HDAC9: variants seen among roughly 807,000 people sequenced by gnomAD.
The protein encoded by HDAC9 is MEF-2 interacting transcription repressor (MITR) protein.
Under a neutral mutation model 139.4 loss-of-function variants are expected in HDAC9, and 41 were observed. The observed-to-expected ratio is 0.29, with a 90% confidence interval of 0.23 to 0.38. The LOEUF (loss-of-function observed/expected upper bound fraction) is 0.38, where lower values mean the gene tolerates loss of function less well. HDAC9 is among the 10% of genes least tolerant of loss of function. The pLI is 1.00. For synonymous variants in HDAC9, 517 were observed against 476.2 expected, an observed-to-expected ratio of 1.09 and a Z score of -1.12; for missense variants, 1,147 against 1,297.0, an observed-to-expected ratio of 0.88 and a Z score of 1.78.
At chr7:18,352,211 T>C (rs937874076) in intron 1 of HDAC9, among the ~76,000 whole-genome samples, 1 of 152,208 alleles carries the variant, frequency 6.6e-6, no homozygotes, top group Non-Finnish European at 1.5e-5. Context: ...AATCTGATTT[T>C]TCTGAAAAAT....
chr7:18,111,296 T>C (rs1783606115), intron 1 of HDAC9, among the ~76,000 whole-genome samples: 1 of 152,196 alleles, frequency 6.6e-6, no homozygotes, highest in Admixed American at 6.5e-5. Context: ...GATTTGAGGA[T>C]GATTGGTGAG....
At chr7:18,705,102 G>A (rs956654506) in intron 12 of HDAC9, among the ~76,000 whole-genome samples, 5 of 152,076 alleles carry the variant, frequency 3.3e-5, no homozygotes, top group African/African-American at 4.8e-5. Flanking sequence ...ATTAAATGGG[G>A]ATTGACTGAT....
chr7:18,107,196 T>C (rs1168605560), intron 1 of HDAC9, among the ~76,000 whole-genome samples: 2 of 152,300 alleles, frequency 1.3e-5, no homozygotes, highest in East Asian at 1.9e-4. Flanking sequence ...TCCCAAATAC[T>C]CTGGGCATCC....
chr7:18,345,452 TCTC>T, intron 1 of HDAC9, among the ~76,000 whole-genome samples: 1 of 152,020 alleles, frequency 6.6e-6, no homozygotes, highest in South Asian at 2.1e-4. Flanking sequence ...GAATCACAAT[TCTC>T]CTAGCCAACC....
At chr7:18,817,333 C>T (rs1221003570) in intron 17 of HDAC9, among the ~76,000 whole-genome samples, 1 of 151,988 alleles carries the variant, frequency 6.6e-6, no homozygotes, top group African/African-American at 2.4e-5. Context: ...CGCGCCCGGC[C>T]GAGAAGTATT....
At chr7:18,692,260 G>C (rs1782724779) in intron 12 of HDAC9, among the ~76,000 whole-genome samples, 1 of 152,074 alleles carries the variant, frequency 6.6e-6, no homozygotes, top group Non-Finnish European at 1.5e-5. Context: ...TGTCTGATGA[G>C]TTTTGTAAGC....
At chr7:18,739,713 C>T (rs989754750) in intron 13 of HDAC9, among the ~76,000 whole-genome samples, 11 of 152,214 alleles carry the variant, frequency 7.2e-5, no homozygotes, top group Non-Finnish European at 2.9e-5. Flanking sequence ...AGTTTGGCTA[C>T]ATGGGTGTCA....
chr7:18,844,055 C>A (rs1044058985), intron 21 of HDAC9, among the ~76,000 whole-genome samples: 14 of 152,218 alleles, frequency 9.2e-5, no homozygotes, highest in Admixed American at 6.6e-4. Flanking sequence ...CATATTTCAT[C>A]CCAATGATTT....
At chr7:18,803,187 T>G (rs1056189775) in intron 17 of HDAC9, among the ~76,000 whole-genome samples, 22 of 152,064 alleles carry the variant, frequency 1.4e-4, no homozygotes, top group Non-Finnish European at 2.8e-4. Flanking sequence ...TTAACCTACT[T>G]ATAACACATC....
chr7:18,597,878 T>C (rs1004613040), intron 6 of HDAC9, among the ~76,000 whole-genome samples: 2 of 152,118 alleles, frequency 1.3e-5, no homozygotes, highest in African/African-American at 4.8e-5. Flanking sequence ...CACTGAAATA[T>C]TTATTTTAAT....
rs76628016 is a variant in HDAC9, at chr7:18,571,847, A to G, written c.23-13434A>G. ...TTTGTTTCTCCTACTTTTCCCGCAT[A>G]TTTTCATGTATGTTGTTGTCTTAAA... On this transcript the variant is annotated intron_variant, in intron 2 of 25. Coordinates refer to ENST00000686413, the MANE Select transcript of HDAC9 (RefSeq NM_178425.4). 7.7e-3 allele frequency among the ~76,000 whole-genome samples: 1,164 copies of G among 152,016 alleles called. 9 individuals are homozygous for G. The highest frequency in any genetic ancestry group is 0.03 in the East Asian group (154 of 5,168).
chr7:18,254,241 C>T (rs1375270649), intron 2 of HDAC9, among the ~76,000 whole-genome samples: 2 of 152,162 alleles, frequency 1.3e-5, no homozygotes, highest in Non-Finnish European at 2.9e-5. Context: ...AGGCAAGTAA[C>T]TCTATTTCAA....
intron 1 of HDAC9, among the ~76,000 whole-genome samples, chr7:18,408,180 T>C (rs772190275): frequency 6.6e-6 from 1 of 152,170 alleles, no homozygotes; most frequent in South Asian, 2.1e-4. Flanking sequence ...TGTGTTAAAA[T>C]CAGCAAATAT....
At chr7:18,129,450 A>C (rs1237106256) in intron 1 of HDAC9, among the ~76,000 whole-genome samples, 1 of 152,152 alleles carries the variant, frequency 6.6e-6, no homozygotes, top group African/African-American at 2.4e-5. Flanking sequence ...ATGAGTCAGC[A>C]TTTAGTAGGG....
chr7:18,822,151 CCTCT>C (rs1271181989), intron 17 of HDAC9, among the ~76,000 whole-genome samples: 1 of 152,100 alleles, frequency 6.6e-6, no homozygotes, highest in African/African-American at 2.4e-5. Context: ...CTACCTCCAG[CCTCT>C]CTCTCCTCCC....
At chr7:18,990,235 G>T (rs1243340925) in intron 25 of HDAC9, among the ~76,000 whole-genome samples, 1 of 152,186 alleles carries the variant, frequency 6.6e-6, no homozygotes, top group Non-Finnish European at 1.5e-5. Flanking sequence ...GGTTTCTGGT[G>T]TGGATGTCCT....
chr7:18,848,966 A>C (rs561698235), intron 21 of HDAC9, among the ~76,000 whole-genome samples: 1 of 152,312 alleles, frequency 6.6e-6, no homozygotes, highest in Admixed American at 6.5e-5. Context: ...TTATTTGAAC[A>C]TGAAACTCCC....
rs762440892 is a variant in HDAC9 at position 19,001,997 on chromosome 7, T to C, written c.*5935T>C. On this transcript the variant is annotated 3_prime_UTR_variant, in exon 26 of 26. Coordinates refer to ENST00000686413, the MANE Select transcript of HDAC9 (RefSeq NM_178425.4). ...ATGTCTTTTCTATTGTGGTCTGATATCCGTTTCTGTAATAAGATCAGTTTG... is the reference window on the plus strand; with the variant it reads ...ATGTCTTTTCTATTGTGGTCTGATACCCGTTTCTGTAATAAGATCAGTTTG... 1.6e-4 allele frequency: 24 copies of C among 152,078 alleles called. No homozygotes were observed. The highest frequency in any genetic ancestry group is 2.8e-4 in the Non-Finnish European group (19 of 67,940). The allele number at this position is 152,078 out of a possible 1,614,324, so 9.4% of individuals were successfully genotyped here.
chr7:18,989,386 C>T (rs1280546473), intron 25 of HDAC9, among the ~76,000 whole-genome samples: 3 of 152,138 alleles, frequency 2.0e-5, no homozygotes, highest in Non-Finnish European at 4.4e-5. Context: ...TTGACCCCCA[C>T]TGTCTTCTGG....
Sources: gnomAD v4.1 joint callset for allele counts (sites outside exome capture counted in the v4.1 genomes callset) on GRCh38, gnomAD v4.1.1 for gene constraint, MANE v1.5 for transcripts, NCBI Gene and HGNC (gene_info 2026-07-23, HGNC 2026-07-21) for gene names.